The following IKBKE variants were observed in gnomAD, a reference collection of about 807,000 sequenced individuals.
IKBKE encodes inhibitor of nuclear factor kappa B kinase subunit epsilon.
Under a neutral mutation model 92.1 loss-of-function variants are expected in IKBKE, and 45 were observed. The ratio of observed to expected loss-of-function variants is 0.49; its 90% CI spans 0.38 to 0.63. IKBKE has a LOEUF of 0.63. Ranked by LOEUF, IKBKE falls within the 20% of genes least tolerant of loss-of-function variation. The pLI, the probability that IKBKE is intolerant of heterozygous loss-of-function variation, is 0.00. For synonymous variants in IKBKE, 374 were observed against 380.3 expected (o/e 0.98, Z 0.19); for missense variants, 700 against 932.8 (o/e 0.75, Z 3.25).
At chr1:206,493,455 C>A in intron 20 of IKBKE, 77 bp downstream of exon 20, 4 of 1,137,926 alleles carry the variant, frequency 3.5e-6, no homozygotes, top group Admixed American at 1.8e-5. Context: ...GAGGTTAGAG[C>A]CTGAGGGGTT....
chr1:206,480,789 T>C (rs994614412), intron 13 of IKBKE, among the ~76,000 whole-genome samples: 3 of 152,134 alleles, frequency 2.0e-5, no homozygotes, highest in Non-Finnish European at 4.4e-5. Context: ...GGTACCAAGG[T>C]GGCCTCCCTA....
At chr1:206,489,706 T>G (rs782070069) in intron 16 of IKBKE, among the ~76,000 whole-genome samples, 17 of 151,978 alleles carry the variant, frequency 1.1e-4, no homozygotes, top group Non-Finnish European at 2.1e-4. Context: ...CGAGACCCTG[T>G]CTCAAACAAC....
intron 3 of IKBKE, 29 bp from the exon 4 acceptor site, chr1:206,474,302 G>A (rs782004416): frequency 1.3e-6 from 2 of 1,599,720 alleles, no homozygotes; most frequent in South Asian, 2.2e-5. Flanking sequence ...ATCCCATGCT[G>A]TCTCCCACTG....
chr1:206,484,980 TC>T lies in IKBKE; in HGVS notation c.1428-16del. ...CCTAAGCCCCCAAATGTGGCCTTTCTCTTTGCTTCCCTCAAGGTTCAGCAGC... is the reference window on the plus strand; with the variant it reads ...CCTAAGCCCCCAAATGTGGCCTTTCTTTTGCTTCCCTCAAGGTTCAGCAGC... On this transcript the variant is annotated splice_polypyrimidine_tract_variant and intron_variant, in intron 13 of 21. Transcript: ENST00000581977. 3 of 1,611,888 alleles carry T rather than the reference TC, an allele frequency of 1.9e-6. No individual in the cohort carries two copies. Among genetic ancestry groups the T allele is most frequent in the Non-Finnish European group, 2.5e-6 (3 of 1,178,480 alleles).
At chr1:206,482,425 C>T (rs569066705) in intron 13 of IKBKE, among the ~76,000 whole-genome samples, 2 of 152,330 alleles carry the variant, frequency 1.3e-5, no homozygotes, top group South Asian at 4.1e-4. Context: ...CCTGGATGGA[C>T]AGGCATGGTG....
chr1:206,481,298 C>T (rs1392555392), intron 13 of IKBKE, among the ~76,000 whole-genome samples: 1 of 152,166 alleles, frequency 6.6e-6, no homozygotes, highest in East Asian at 1.9e-4. Context: ...TCAGAGACTG[C>T]CCATATGCCT....
intron 4 of IKBKE, 193 bp downstream of exon 4, chr1:206,474,664 A>G (rs781791475): frequency 5.1e-6 from 4 of 786,122 alleles, no homozygotes; most frequent in Non-Finnish European, 8.0e-6. Flanking sequence ...GGACAGAATC[A>G]GTACCTAAGC....
rs2103481315 is a variant in IKBKE at position 206,490,296 on chromosome 1, C to CCCTT, written c.1694-521_1694-518dup. On this transcript the variant is annotated intron_variant, in intron 16 of 21. Transcript: ENST00000581977. This position sits in a 1 kb window ranked among gnomAD's most constrained non-coding sequence, Gnocchi z 5.2. ...TCTCCCTAGTGCATGAGCCTTAGGG[C>CCCTT]CCTTCAGGAGGCAGCCAAGGCCATG... Among the ~76,000 whole-genome samples, 1 of 152,342 alleles carries CCCTT rather than the reference C, an allele frequency of 6.6e-6. No individual in the cohort carries two copies. The highest frequency in any genetic ancestry group is 1.9e-4 in the East Asian group (1 of 5,184).
Position 206,472,685 on chromosome 1 carries a change from C to T in IKBKE, c.-32-511C>T, listed in dbSNP as rs551607626. The stretch of plus-strand genomic sequence containing the variant: ...GCTCACAGCAGCAGGAAGTGGTGGG[C>T]CTGGCAGGCAGGCCAGCGGGGGCTG... On this transcript the variant is annotated intron_variant, in intron 2 of 21. Transcript: ENST00000581977. 2.0e-5 allele frequency among the ~76,000 whole-genome samples: 3 copies of T among 152,242 alleles called. No homozygotes were observed. In the East Asian group the frequency reaches 5.8e-4, roughly 29 times the overall value.
At chr1:206,473,113 G>C in intron 2 of IKBKE, 83 bp from the exon 3 acceptor site, 1 of 769,696 alleles carries the variant, frequency 1.3e-6, no homozygotes, top group Non-Finnish European at 2.3e-6. Context: ...GGGTAGCCTT[G>C]GGGCACAGTT....
Sources: allele counts gnomAD v4.1 joint callset (sites outside exome capture counted in the v4.1 genomes callset), GRCh38; gene constraint gnomAD v4.1.1; non-coding constraint Gnocchi (gnomAD v3.1); transcripts MANE v1.5; gene names NCBI Gene and HGNC (gene_info 2026-07-23, HGNC 2026-07-21).